The following XKR6 variants were observed in gnomAD, a reference collection of about 807,000 sequenced individuals.
XKR6 encodes the protein XK-related protein 6.
XKR6 carries 22 observed loss-of-function variants against 56.7 expected under a neutral mutation model. The observed-to-expected ratio is 0.39, with a 90% CI of 0.28 to 0.55. XKR6 has a LOEUF of 0.55. Among genes scored for constraint, XKR6 ranks in the 20% least tolerant of loss-of-function variants. XKR6 has a pLI of 0.66. For synonymous variants in XKR6, 524 were observed against 387.8 expected, an observed-to-expected ratio of 1.35 and a Z score of -4.13; for missense variants, 852 against 889.0, an observed-to-expected ratio of 0.96 and a Z score of 0.53.
At chr8:10,908,205 A>T (rs1282699156) in intron 2 of XKR6, among the ~76,000 whole-genome samples, 3 of 152,102 alleles carry the variant, frequency 2.0e-5, no homozygotes, top group African/African-American at 7.2e-5. Context: ...CTCCACAGGG[A>T]CCCTTGACTC....
intron 1 of XKR6, among the ~76,000 whole-genome samples, chr8:10,983,287 A>G (rs1282791978): frequency 6.6e-6 from 1 of 152,176 alleles, no homozygotes; most frequent in Non-Finnish European, 1.5e-5. Flanking sequence ...CATCATCAAG[A>G]AAAAAGGAAG....
intron 1 of XKR6, among the ~76,000 whole-genome samples, chr8:11,003,456 T>C (rs1164864727): frequency 6.6e-6 from 1 of 152,098 alleles, no homozygotes; most frequent in African/African-American, 2.4e-5. Flanking sequence ...TCATAGTCAC[T>C]ATCATCACCA....
chr8:10,921,484 T>G (rs1055514500), intron 2 of XKR6, among the ~76,000 whole-genome samples: 1 of 152,190 alleles, frequency 6.6e-6, no homozygotes, highest in African/African-American at 2.4e-5. Context: ...ACACAGCCCC[T>G]TATGTGCCCG....
intron 1 of XKR6, among the ~76,000 whole-genome samples, chr8:11,038,739 C>T (rs572876554): frequency 6.6e-6 from 1 of 152,090 alleles, no homozygotes; most frequent in South Asian, 2.1e-4. Flanking sequence ...CGATGCCTCC[C>T]TATGTTGTCC....
intron 1 of XKR6, among the ~76,000 whole-genome samples, chr8:10,968,368 ATG>A (rs1802295223): frequency 6.6e-6 from 1 of 152,222 alleles, no homozygotes; most frequent in Admixed American, 6.5e-5. Flanking sequence ...AATCAGTAGA[ATG>A]TGTGTCTCTT....
At chr8:11,171,754 A>C (rs1335827264) in intron 1 of XKR6, among the ~76,000 whole-genome samples, 1 of 152,098 alleles carries the variant, frequency 6.6e-6, no homozygotes, top group East Asian at 1.9e-4. Flanking sequence ...TTTTCCTTTA[A>C]AAGTTACCCA....
At chr8:10,904,964 G>C (rs1297828931) in intron 2 of XKR6, among the ~76,000 whole-genome samples, 2 of 152,192 alleles carry the variant, frequency 1.3e-5, no homozygotes, top group African/African-American at 4.8e-5. Context: ...CACACTTGAT[G>C]ATGAGGGACC....
At chr8:11,033,282 G>A (rs545506623) in intron 1 of XKR6, among the ~76,000 whole-genome samples, 7 of 150,446 alleles carry the variant, frequency 4.7e-5, no homozygotes, top group Admixed American at 2.6e-4. Flanking sequence ...CGATGATGAC[G>A]ATAGTGATGG....
At chr8:11,118,053 T>C (rs892013213) in intron 1 of XKR6, among the ~76,000 whole-genome samples, 47 of 152,278 alleles carry the variant, frequency 3.1e-4, no homozygotes, top group African/African-American at 1.1e-3. Context: ...TTTACCAAAA[T>C]GTTAAAATCT....
chr8:11,091,143 G>C (rs554942242), intron 1 of XKR6, among the ~76,000 whole-genome samples: 1 of 152,262 alleles, frequency 6.6e-6, no homozygotes, highest in African/African-American at 2.4e-5. Context: ...GAAAAAGCAA[G>C]ACAAAGGCCT....
rs75392303 is a variant in XKR6, at chr8:11,048,704, C to T, written c.765-123874G>A. Among the ~76,000 whole-genome samples, 744 of 152,248 alleles carry T rather than the reference C, an allele frequency of 4.9e-3. 3 individuals carry two copies. The highest frequency in any genetic ancestry group is 0.017 in the African/African-American group (711 of 41,558). On this transcript the variant is annotated intron_variant, in intron 1 of 2. Coordinates refer to ENST00000416569, the MANE Select transcript of XKR6 (RefSeq NM_173683.4). ...CCCCTTCCTGGGTGACTCTGGACTCCGCAGGCCTCTGGTCTGCAGGGTTTG... is the reference window on the plus strand; with the variant it reads ...CCCCTTCCTGGGTGACTCTGGACTCTGCAGGCCTCTGGTCTGCAGGGTTTG...
intron 1 of XKR6, among the ~76,000 whole-genome samples, chr8:10,969,629 T>C (rs376592025): frequency 6.6e-6 from 1 of 152,212 alleles, no homozygotes; most frequent in East Asian, 1.9e-4. Context: ...ACAGTCATCC[T>C]GAAAGGCCAG....
intron 1 of XKR6, among the ~76,000 whole-genome samples, chr8:11,093,694 T>A (rs1798160681): frequency 6.6e-6 from 1 of 152,238 alleles, no homozygotes; most frequent in Non-Finnish European, 1.5e-5. Context: ...CGCCTATCTT[T>A]CCCTTTTTTC....
At chr8:10,963,247 C>G (rs527513799) in intron 1 of XKR6, among the ~76,000 whole-genome samples, 6 of 152,374 alleles carry the variant, frequency 3.9e-5, no homozygotes, top group African/African-American at 7.2e-5. Context: ...CTCTGACTGG[C>G]TCTGCCTCAG....
intron 1 of XKR6, among the ~76,000 whole-genome samples, chr8:11,080,093 G>A (rs574998765): frequency 5.3e-5 from 8 of 151,580 alleles, no homozygotes; most frequent in Admixed American, 1.3e-4. Flanking sequence ...TCCATTTTTC[G>A]AGTGAGCAAT....
chr8:11,105,428 G>C (rs1427396938), intron 1 of XKR6: 1 of 152,106 alleles, frequency 6.6e-6, no homozygotes, highest in African/African-American at 2.4e-5. Flanking sequence ...GGAACTGCGG[G>C]GGCTCCTGGT....
At chr8:11,133,858 G>A (rs191246611) in intron 1 of XKR6, among the ~76,000 whole-genome samples, 14 of 152,044 alleles carry the variant, frequency 9.2e-5, no homozygotes, top group African/African-American at 2.7e-4. Context: ...AGACCATGTC[G>A]GCTCCTACTA....
intron 1 of XKR6, among the ~76,000 whole-genome samples, chr8:11,076,171 C>T (rs1452116663): frequency 6.6e-6 from 1 of 152,138 alleles, no homozygotes; most frequent in Non-Finnish European, 1.5e-5. Flanking sequence ...ATAGAGGAGT[C>T]AGATTCATAG....
chr8:11,047,321 C>T (rs903818818), intron 1 of XKR6, among the ~76,000 whole-genome samples: 1 of 152,166 alleles, frequency 6.6e-6, no homozygotes, highest in African/African-American at 2.4e-5. Context: ...AAGCAGAGTT[C>T]ATGAAACCAG....
Sources: allele counts gnomAD v4.1 joint callset (sites outside exome capture counted in the v4.1 genomes callset), GRCh38; gene constraint gnomAD v4.1.1; transcripts MANE v1.5; gene names NCBI Gene and HGNC (gene_info 2026-07-23, HGNC 2026-07-21).